CNTLN: variants seen among roughly 807,000 people sequenced by gnomAD.
CNTLN encodes the protein centlein, centrosomal protein.
CNTLN carries 212 observed loss-of-function variants against 180.0 expected under a neutral mutation model. The ratio of observed to expected loss-of-function variants is 1.18; its 90% CI spans 1.05 to 1.32. The LOEUF is 1.32. Among genes scored for constraint, CNTLN ranks in the 40% most tolerant of loss-of-function variants. The probability of loss-of-function intolerance (pLI) is 0.00; values close to 1 mark genes in which losing one functional copy is unlikely to be tolerated. For missense variants in CNTLN, 2,095 were observed against 1,610.9 expected, an observed-to-expected ratio of 1.30 and a Z score of -5.14; for synonymous variants, 722 against 563.1, an observed-to-expected ratio of 1.28 and a Z score of -3.99.
intron 7 of CNTLN, among the ~76,000 whole-genome samples, chr9:17,305,736 C>T (rs1443004003): frequency 6.6e-6 from 1 of 152,114 alleles, no homozygotes. Flanking sequence ...TACTGCTGGA[C>T]TGAGGCCTAG....
chr9:17,272,359 G>C (rs554567124), intron 5 of CNTLN, among the ~76,000 whole-genome samples: 1 of 152,106 alleles, frequency 6.6e-6, no homozygotes. Flanking sequence ...ACAGGCGTGA[G>C]TCACTGCGCC....
At chr9:17,136,994 C>T (rs1250838828) in intron 1 of CNTLN, among the ~76,000 whole-genome samples, 1 of 152,132 alleles carries the variant, frequency 6.6e-6, no homozygotes, top group African/African-American at 2.4e-5. Flanking sequence ...CTTTAGCTGG[C>T]TAAAGAGCTA....
chr9:17,333,227 G>A (rs1267164872), intron 10 of CNTLN, among the ~76,000 whole-genome samples: 1 of 152,024 alleles, frequency 6.6e-6, no homozygotes, highest in Non-Finnish European at 1.5e-5. Flanking sequence ...ATTTGAATGA[G>A]CACTCTACCA....
At chr9:17,355,378 C>G (rs1450764119) in intron 12 of CNTLN, among the ~76,000 whole-genome samples, 1 of 152,170 alleles carries the variant, frequency 6.6e-6, no homozygotes, top group Non-Finnish European at 1.5e-5. Flanking sequence ...TCCTCCCATT[C>G]CGTAGGCTAT....
intron 13 of CNTLN, among the ~76,000 whole-genome samples, chr9:17,366,994 A>T (rs1424541619): frequency 6.6e-6 from 1 of 152,180 alleles, no homozygotes; most frequent in Non-Finnish European, 1.5e-5. Context: ...TTTAAGAACT[A>T]CCTACACACA....
intron 2 of CNTLN, among the ~76,000 whole-genome samples, chr9:17,151,239 A>G (rs1818853678): frequency 6.6e-6 from 1 of 152,150 alleles, no homozygotes; most frequent in African/African-American, 2.4e-5. Context: ...TTCGAAGGGA[A>G]TGCTTTGAGT....
intron 1 of CNTLN, among the ~76,000 whole-genome samples, chr9:17,140,991 T>A (rs909452514): frequency 2.6e-5 from 4 of 152,094 alleles, no homozygotes; most frequent in African/African-American, 9.7e-5. Flanking sequence ...AATAACTTGC[T>A]TTTTCAAAAA....
At chr9:17,432,706 C>G (rs1362746904) in intron 18 of CNTLN, among the ~76,000 whole-genome samples, 1 of 151,972 alleles carries the variant, frequency 6.6e-6, no homozygotes, top group Non-Finnish European at 1.5e-5. Context: ...AAATTCTATT[C>G]TCTGTTAAAA....
At chr9:17,342,230 T>C (rs925275471) in intron 11 of CNTLN, 95 bp from the exon 12 acceptor site, 12 of 1,241,238 alleles carry the variant, frequency 9.7e-6, no homozygotes, top group South Asian at 1.4e-5. Flanking sequence ...AGAAATTTGG[T>C]CAATAGATAT....
chr9:17,157,168 T>C (rs1409523506), intron 2 of CNTLN, among the ~76,000 whole-genome samples: 3 of 152,234 alleles, frequency 2.0e-5, no homozygotes, highest in Non-Finnish European at 4.4e-5. Flanking sequence ...TTGAGAAGAC[T>C]CTTTTTCTGA....
Position 17,362,370 on chromosome 9 carries a change from C to A in CNTLN, c.1887-4247C>A, listed in dbSNP as rs367743995. Among the ~76,000 whole-genome samples, 53 of 152,226 alleles carry A rather than the reference C, an allele frequency of 3.5e-4. 1 individual carries two copies. The South Asian group carries it at 0.011, about 30-fold the overall frequency. On this transcript the variant is annotated intron_variant, in intron 12 of 25. Coordinates refer to ENST00000380647, the MANE Select transcript of CNTLN (RefSeq NM_017738.4). Reference sequence around the variant, plus strand: ...TATGTGTGTGCATGTGTATGTGTTCCTCCTATCAATCTGTAATGGACCTGG... The same window carrying A: ...TATGTGTGTGCATGTGTATGTGTTCATCCTATCAATCTGTAATGGACCTGG...
At chr9:17,508,724 A>C (rs1833976985), downstream of CNTLN, among the ~76,000 whole-genome samples, 2 of 152,206 alleles carry the variant, frequency 1.3e-5, no homozygotes, top group African/African-American at 4.8e-5. Context: ...AATCCATCTA[A>C]ATCATTGTAT....
At chr9:17,261,865 C>T (rs910938084) in intron 5 of CNTLN, among the ~76,000 whole-genome samples, 1 of 151,494 alleles carries the variant, frequency 6.6e-6, no homozygotes, top group Non-Finnish European at 1.5e-5. Flanking sequence ...CTACAAGGAA[C>T]TTAAACAAAT....
At chr9:17,214,815 A>G (rs1823613254) in intron 2 of CNTLN, among the ~76,000 whole-genome samples, 1 of 152,148 alleles carries the variant, frequency 6.6e-6, no homozygotes, top group Non-Finnish European at 1.5e-5. Context: ...ATCTTCAATC[A>G]CTGATACCCT....
At chr9:17,261,949 A>G (rs923490091) in intron 5 of CNTLN, among the ~76,000 whole-genome samples, 9 of 151,714 alleles carry the variant, frequency 5.9e-5, no homozygotes, top group African/African-American at 9.8e-5. Context: ...AAAAGTGGAC[A>G]TTTATGATGC....
chr9:17,176,802 G>A (rs1563850449), intron 2 of CNTLN, among the ~76,000 whole-genome samples: 1 of 152,172 alleles, frequency 6.6e-6, no homozygotes, highest in Non-Finnish European at 1.5e-5. Flanking sequence ...TGTTGGTGAA[G>A]TGTGGTAGTT....
intron 6 of CNTLN, among the ~76,000 whole-genome samples, chr9:17,295,154 G>A (rs950458581): frequency 3.3e-5 from 5 of 151,912 alleles, no homozygotes; most frequent in African/African-American, 1.2e-4. Flanking sequence ...CGCCCACCCG[G>A]AACTCTAGCT....
At position 17,273,837 on chromosome 9, in the gene CNTLN, C is replaced by T. The variant is rs1480790220; in HGVS notation, c.954C>T (p.Ile318=). Residue 318 remains isoleucine, a synonymous_variant, in exon 6 of 26, where the codon ATC becomes ATT. Coordinates refer to ENST00000380647, the MANE Select transcript of CNTLN (RefSeq NM_017738.4). ...LQLSNKQTEL[I]QKDMDITLVR... is the part of the protein sequence containing the mutation. ...TGAGTAATAAACAGACTGAACTTATCCAGAAGGATATGGATATTACCCTGG... is the reference window on the plus strand; with the variant it reads ...TGAGTAATAAACAGACTGAACTTATTCAGAAGGATATGGATATTACCCTGG... The T allele has an allele frequency of 2.5e-6, 4 of 1,568,900 alleles. No homozygotes were observed. Among genetic ancestry groups the T allele is most frequent in the Middle Eastern group, 1.7e-4 (1 of 5,978 alleles).
At chr9:17,295,837 A>G (rs1443830280) in intron 6 of CNTLN, among the ~76,000 whole-genome samples, 3 of 152,034 alleles carry the variant, frequency 2.0e-5, no homozygotes, top group Non-Finnish European at 4.4e-5. Context: ...GTATAAGAGT[A>G]TCCTTCAATT....
Sources: gnomAD v4.1 joint callset for allele counts (sites outside exome capture counted in the v4.1 genomes callset) on GRCh38, gnomAD v4.1.1 for gene constraint, MANE v1.5 for transcripts, NCBI Gene and HGNC (gene_info 2026-07-23, HGNC 2026-07-21) for gene names.